The following ZNF776 variants were observed in gnomAD, a reference collection of about 807,000 sequenced individuals.
The protein encoded by ZNF776 is zinc finger protein 776.
A neutral mutation model predicts 7.0 loss-of-function variants in ZNF776; 4 were observed. The observed-to-expected ratio is 0.57, with a 90% CI of 0.28 to 1.31. The LOEUF (loss-of-function observed/expected upper bound fraction) is 1.31, where lower values mean the gene tolerates loss of function less well. Among genes scored for constraint, ZNF776 ranks in the 50% most tolerant of loss-of-function variants. The probability of loss-of-function intolerance (pLI) is 0.10; values close to 1 mark genes in which losing one functional copy is unlikely to be tolerated. For synonymous variants in ZNF776, 212 were observed against 213.7 expected, an observed-to-expected ratio of 0.99 and a Z score of 0.07; for missense variants, 555 against 625.9, an observed-to-expected ratio of 0.89 and a Z score of 1.21.
chr19:57,751,417 A>T (rs1346365821), intron 2 of ZNF776, among the ~76,000 whole-genome samples: 2 of 152,174 alleles, frequency 1.3e-5, no homozygotes, highest in African/African-American at 4.8e-5. Context: ...GCTGGAGTGC[A>T]GTGCTGCAGT....
In ZNF776 at chr19:57,756,406, A is replaced by C. The variant is rs1380074810; in HGVS notation, c.*1719A>C. On this transcript the variant is annotated 3_prime_UTR_variant, in exon 3 of 3. Transcript: ENST00000317178. ...ATTGTGTGAATTGTATACTCACTGC[A>C]TTGTGTGGCTTAGATACAACATGGT... 6.6e-6 allele frequency: 1 copy of C among 152,494 alleles called. No homozygotes were observed. Among genetic ancestry groups the C allele is most frequent in the African/African-American group, 2.4e-5 (1 of 41,412 alleles). 9.4% of individuals were successfully genotyped at this position (152,494 alleles called of 1,614,324 possible). A position where few individuals can be genotyped will look rare whatever the true frequency, so the allele number is the denominator to read the frequency against.
rs377097420 is a variant in ZNF776 at position 57,754,052 on chromosome 19, G to A, written c.922G>A (p.Val308Ile). ...ATCTTTTAGTCATAAGCACAGTCTT[G>A]TTGACCATCAGCGAGTTCACACTGG... ...DKSFSHKHSL[V>I]DHQRVHTGER... The change falls in exon 3 of 3, where the codon GTT (valine) becomes ATT (isoleucine). Residue 308 changes from valine (V) to isoleucine (I), a missense_variant. By Grantham distance (29) the Val-to-Ile change is conservative (BLOSUM62 3). Coordinates refer to ENST00000317178, the MANE Select transcript of ZNF776 (RefSeq NM_173632.4). The A allele has an allele frequency of 1.2e-6, 2 of 1,612,258 alleles. No individual in the cohort carries two copies. The highest frequency in any genetic ancestry group is 2.7e-5 in the African/African-American group (2 of 74,324).
chr19:57,748,661 T>C (rs959721416), intron 1 of ZNF776, among the ~76,000 whole-genome samples: 2 of 152,156 alleles, frequency 1.3e-5, no homozygotes, highest in Non-Finnish European at 2.9e-5. Flanking sequence ...CTGGGCTTCC[T>C]AAACACTGGA....
chr19:57,753,422 C>G lies in ZNF776; in HGVS notation c.292C>G (p.Leu98Val). ...CCACCTCTGGGGAATGTGTGGCCCT[C>G]TCCTGGGAGATATCTTACACCAGGG... ...KVHLWGMCGP[L>V]LGDILHQGTQ... Residue 98 changes from leucine (L) to valine (V), a missense_variant, in exon 3 of 3, where the codon CTC becomes GTC. Coordinates refer to ENST00000317178, the MANE Select transcript of ZNF776 (RefSeq NM_173632.4). 1.2e-6 allele frequency: 2 copies of G among 1,614,200 alleles called. No individual in the cohort carries two copies. Among genetic ancestry groups the G allele is most frequent in the Non-Finnish European group, 1.7e-6 (2 of 1,180,048 alleles).
At chr19:57,747,168 G>C in intron 1 of ZNF776, 77 bp downstream of exon 1, 3 of 1,484,740 alleles carry the variant, frequency 2.0e-6, no homozygotes, top group Non-Finnish European at 2.7e-6. Flanking sequence ...AGCGGCGCCT[G>C]CTCAAGGTTT....
At chr19:57,750,074 T>G (rs1275572800) in intron 1 of ZNF776, among the ~76,000 whole-genome samples, 1 of 151,944 alleles carries the variant, frequency 6.6e-6, no homozygotes, top group Non-Finnish European at 1.5e-5. Context: ...GAGGCCAATG[T>G]GGGAGGCAGT....
rs1342436571 is a variant in ZNF776 at position 57,755,318 on chromosome 19, G to T, written c.*631G>T. The T allele has an allele frequency of 6.6e-6, 1 of 152,610 alleles. No individual in the cohort carries two copies. Among genetic ancestry groups the T allele is most frequent in the African/African-American group, 2.4e-5 (1 of 41,426 alleles). 9.5% of individuals were successfully genotyped at this position (152,610 alleles called of 1,614,324 possible). A position where few individuals can be genotyped will look rare whatever the true frequency, so the allele number is the denominator to read the frequency against. On this transcript the variant is annotated 3_prime_UTR_variant, in exon 3 of 3. Coordinates refer to ENST00000317178, the MANE Select transcript of ZNF776 (RefSeq NM_173632.4). Reference sequence around the variant, plus strand: ...ATTCACTAGAAGCTCTGCCCTGCAAGTTCACACTAGAGAAAGCCCTTCTCA... The same window carrying T: ...ATTCACTAGAAGCTCTGCCCTGCAATTTCACACTAGAGAAAGCCCTTCTCA...
intron 1 of ZNF776, chr19:57,749,025 G>A (rs952330815): frequency 6.6e-6 from 1 of 151,806 alleles, no homozygotes; most frequent in Non-Finnish European, 1.5e-5. Flanking sequence ...CTGGTGTATA[G>A]TGGCGCAATC....
chr19:57,751,863 G>GTTTTTTTTTT (rs1256893730), intron 2 of ZNF776, among the ~76,000 whole-genome samples: 1 of 63,362 alleles, frequency 1.6e-5, no homozygotes, highest in African/African-American at 7.0e-5. Flanking sequence ...TGTATTTTTG[G>GTTTTTTTTTT]TTTTGTTTTT....
chr19:57,752,839 T>C (rs1163197286), intron 2 of ZNF776, among the ~76,000 whole-genome samples: 2 of 152,250 alleles, frequency 1.3e-5, no homozygotes, highest in African/African-American at 4.8e-5. Flanking sequence ...TACACATTGC[T>C]AAGCCATACC....
chr19:57,750,636 C>G, intron 1 of ZNF776, 149 bp from the exon 2 acceptor site: 1 of 1,041,214 alleles, frequency 9.6e-7, no homozygotes, highest in Middle Eastern at 2.6e-4. Context: ...TGGCTGTACA[C>G]CATGACCAGT....
chr19:57,754,555 C>T lies in ZNF776; in HGVS notation c.1425C>T (p.Leu475=), dbSNP rs1431132198. 2 of 1,614,158 alleles carry T rather than the reference C, an allele frequency of 1.2e-6. No homozygotes were observed. Among genetic ancestry groups the T allele is most frequent in the Non-Finnish European group, 1.7e-6 (2 of 1,180,026 alleles). Residue 475 remains leucine, a synonymous_variant, in exon 3 of 3, where the codon CTC becomes CTT. Transcript: ENST00000317178. Reference sequence around the variant, plus strand: ...AATGTTTTCATCAAAAGGGCAGTCTCATTCGACATCAGCAGATTCACTCTG... The same window carrying T: ...AATGTTTTCATCAAAAGGGCAGTCTTATTCGACATCAGCAGATTCACTCTG... The part of the protein sequence containing the change: ...CGKCFHQKGS[L]IRHQQIHSGE...
chr19:57,753,436 C>G lies in ZNF776; in HGVS notation c.306C>G (p.Ile102Met), dbSNP rs576412938. 1 of 1,614,154 alleles carries G rather than the reference C, an allele frequency of 6.2e-7. No individual in the cohort carries two copies. Among genetic ancestry groups the G allele is most frequent in the Non-Finnish European group, 8.5e-7 (1 of 1,180,034 alleles). The change falls in exon 3 of 3, where the codon ATC becomes ATG. Residue 102 changes from isoleucine (I) to methionine (M), a missense_variant. Coordinates refer to ENST00000317178, the MANE Select transcript of ZNF776 (RefSeq NM_173632.4). Reference protein sequence around the residue: ...WGMCGPLLGDILHQGTQHNQK... With the variant: ...WGMCGPLLGDMLHQGTQHNQK... Reference sequence around the variant, plus strand: ...TGTGTGGCCCTCTCCTGGGAGATATCTTACACCAGGGAACACAACACAATC... The same window carrying G: ...TGTGTGGCCCTCTCCTGGGAGATATGTTACACCAGGGAACACAACACAATC...
chr19:57,747,393 G>A lies in ZNF776; in HGVS notation c.33+302G>A, dbSNP rs145163515. On this transcript the variant is annotated intron_variant, in intron 1 of 2. Coordinates refer to ENST00000317178, the MANE Select transcript of ZNF776 (RefSeq NM_173632.4). ...AGCTCCTCCTGGAAGAGCAGGCTGA[G>A]GACCGTGTATTCACCCTGAGAACGC... Among the ~76,000 whole-genome samples, 564 of 152,248 alleles carry A rather than the reference G, an allele frequency of 3.7e-3. 3 individuals carry two copies. The highest frequency in any genetic ancestry group is 0.013 in the African/African-American group (530 of 41,546).
rs1986789448 is a variant in ZNF776, at chr19:57,756,817, C to T, written c.*2130C>T. On this transcript the variant is annotated 3_prime_UTR_variant, in exon 3 of 3. Coordinates refer to ENST00000317178, the MANE Select transcript of ZNF776 (RefSeq NM_173632.4). Reference sequence around the variant, plus strand: ...GTCCAGAATTCTGTAGGATAGTGTCCTACGTTATAAGCCTGGAGAAAGAAA... The same window carrying T: ...GTCCAGAATTCTGTAGGATAGTGTCTTACGTTATAAGCCTGGAGAAAGAAA... 1 of 449,620 alleles carries T rather than the reference C, an allele frequency of 2.2e-6. No individual in the cohort carries two copies. The highest frequency in any genetic ancestry group is 4.5e-6 in the Non-Finnish European group (1 of 223,544). The allele number at this position is 449,620 out of a possible 1,614,324, so 27.9% of individuals were successfully genotyped here.
At chr19:57,749,928 T>C (rs1262742193) in intron 1 of ZNF776, among the ~76,000 whole-genome samples, 1 of 152,234 alleles carries the variant, frequency 6.6e-6, no homozygotes, top group Admixed American at 6.5e-5. Context: ...TATTTGATTT[T>C]TAAACATATT....
Position 57,749,574 on chromosome 19 carries a change from C to T in ZNF776, c.34-1211C>T, listed in dbSNP as rs116953440. On this transcript the variant is annotated intron_variant, in intron 1 of 2. Transcript: ENST00000317178. ...AATGGAGGCCCAATATGATGTGTCA[C>T]CTTGACATCTAGTGATATTGGTATG... Among the ~76,000 whole-genome samples, 319 of 152,278 alleles carry T rather than the reference C, an allele frequency of 2.1e-3. 5 individuals are homozygous for T. In the East Asian group the frequency reaches 0.055, roughly 26 times the overall value.
At chr19:57,752,704 TCTC>T (rs1986643224) in intron 2 of ZNF776, among the ~76,000 whole-genome samples, 1 of 152,194 alleles carries the variant, frequency 6.6e-6, no homozygotes, top group African/African-American at 2.4e-5. Flanking sequence ...CCCTGTCACT[TCTC>T]CTCTGATGCC....
chr19:57,752,073 C>G (rs568769177), intron 2 of ZNF776, among the ~76,000 whole-genome samples: 1 of 151,888 alleles, frequency 6.6e-6, no homozygotes, highest in East Asian at 1.9e-4. Context: ...GGGGTTTCAC[C>G]GTGTTAGCCA....
Sources: allele counts gnomAD v4.1 joint callset (sites outside exome capture counted in the v4.1 genomes callset), GRCh38; gene constraint gnomAD v4.1.1; transcripts MANE v1.5; gene names NCBI Gene and HGNC (gene_info 2026-07-23, HGNC 2026-07-21).